Variants in ACSS3 observed in about 807,000 individuals in gnomAD.
ACSS3 encodes acyl-CoA synthetase short chain family member 3.
A neutral mutation model predicts 84.2 loss-of-function variants in ACSS3; 64 were observed. The observed-to-expected ratio is 0.76, with a 90% confidence interval of 0.62 to 0.94. The LOEUF is 0.94. ACSS3 is among the 40% of genes least tolerant of loss of function. The pLI is 0.00. For missense variants in ACSS3, 815 were observed against 867.6 expected, an observed-to-expected ratio of 0.94 and a Z score of 0.76; for synonymous variants, 317 against 310.1, an observed-to-expected ratio of 1.02 and a Z score of -0.23.
chr12:81,103,880 C>A (rs1460189122), intron 1 of ACSS3, among the ~76,000 whole-genome samples: 1 of 152,052 alleles, frequency 6.6e-6, no homozygotes, highest in East Asian at 1.9e-4. Context: ...CTTTCATGAG[C>A]AAGTTGCTGT....
At chr12:81,131,926 C>G (rs913822962) in intron 2 of ACSS3, among the ~76,000 whole-genome samples, 1 of 152,078 alleles carries the variant, frequency 6.6e-6, no homozygotes, top group African/African-American at 2.4e-5. Flanking sequence ...TGATGGATTA[C>G]GTTTATTGAT....
chr12:81,230,117 G>A (rs751483135), intron 11 of ACSS3, among the ~76,000 whole-genome samples: 12 of 151,814 alleles, frequency 7.9e-5, no homozygotes, highest in Admixed American at 6.6e-4. Context: ...TGAGAACTAC[G>A]AATTTACAAC....
intron 13 of ACSS3, among the ~76,000 whole-genome samples, chr12:81,249,110 T>C (rs147078602): frequency 6.6e-6 from 1 of 152,140 alleles, no homozygotes; most frequent in Non-Finnish European, 1.5e-5. Context: ...TGTTGATTAG[T>C]TTTTGAAAGC....
At chr12:81,209,879 A>T (rs1015940456) in intron 9 of ACSS3, among the ~76,000 whole-genome samples, 3 of 152,180 alleles carry the variant, frequency 2.0e-5, no homozygotes, top group Admixed American at 6.5e-5. Flanking sequence ...TTGTAAACTC[A>T]TGGCACTGGT....
chr12:81,213,851 C>CTCT, intron 9 of ACSS3, among the ~76,000 whole-genome samples: 1 of 60,810 alleles, frequency 1.6e-5, no homozygotes, highest in African/African-American at 6.3e-5. Context: ...CTCTCCTCTC[C>CTCT]TCTCTTCTCT....
At chr12:81,171,811 G>C (rs773732143) in intron 7 of ACSS3, among the ~76,000 whole-genome samples, 1 of 152,056 alleles carries the variant, frequency 6.6e-6, no homozygotes, top group Non-Finnish European at 1.5e-5. Context: ...GTACATCATA[G>C]AGTATACTTA....
At chr12:81,254,825 G>A in intron 15 of ACSS3, 32 bp from the exon 16 acceptor site, 6 of 1,510,410 alleles carry the variant, frequency 4.0e-6, no homozygotes, top group Non-Finnish European at 5.4e-6. Flanking sequence ...ATTCAAGGAA[G>A]AGTATTCACC....
chr12:81,239,103 CTTT>C (rs2033712448), intron 13 of ACSS3, among the ~76,000 whole-genome samples: 1 of 151,770 alleles, frequency 6.6e-6, no homozygotes, highest in South Asian at 2.1e-4. Flanking sequence ...GAAATATCTT[CTTT>C]GACTCATGTG....
rs183519775 is a variant in ACSS3 at position 81,149,132 on chromosome 12, G to A, written c.922-2712G>A. On this transcript the variant is annotated intron_variant, in intron 5 of 15. Coordinates refer to ENST00000548058, the MANE Select transcript of ACSS3 (RefSeq NM_024560.4). ...AGGTAATAATAAATAATAGAGATTC[G>A]AAAGACTAAAATGAAGAAGGTTTGT... Among the ~76,000 whole-genome samples, 26 of 151,802 alleles carry A rather than the reference G, an allele frequency of 1.7e-4. No homozygotes were observed. The East Asian group carries it at 2.7e-3, about 16-fold the overall frequency.
chr12:81,221,839 C>G (rs2033120528), intron 11 of ACSS3, among the ~76,000 whole-genome samples: 1 of 152,014 alleles, frequency 6.6e-6, no homozygotes, highest in Admixed American at 6.6e-5. Context: ...GAGAGCTTTT[C>G]AAAGCACTTT....
At chr12:81,155,867 G>T (rs1241366798) in intron 7 of ACSS3, among the ~76,000 whole-genome samples, 1 of 152,150 alleles carries the variant, frequency 6.6e-6, no homozygotes, top group Non-Finnish European at 1.5e-5. Context: ...GAAAGTCAGT[G>T]AAGATGTAGA....
At chr12:81,246,572 G>A (rs1291441538) in intron 13 of ACSS3, among the ~76,000 whole-genome samples, 1 of 152,130 alleles carries the variant, frequency 6.6e-6, no homozygotes, top group Admixed American at 6.5e-5. Context: ...AAGTTCTTAT[G>A]TTCTGACTGA....
At chr12:81,240,241 T>G (rs979820956) in intron 13 of ACSS3, among the ~76,000 whole-genome samples, 1 of 152,028 alleles carries the variant, frequency 6.6e-6, no homozygotes, top group Non-Finnish European at 1.5e-5. Context: ...CTGACATACT[T>G]TGATGCCCTA....
intron 10 of ACSS3, among the ~76,000 whole-genome samples, chr12:81,218,923 T>A (rs1214662765): frequency 2.0e-5 from 3 of 151,966 alleles, no homozygotes. Context: ...AATGTAATAT[T>A]AAATAGTATA....
At chr12:81,236,962 A>G (rs2033649014) in intron 13 of ACSS3, among the ~76,000 whole-genome samples, 1 of 151,502 alleles carries the variant, frequency 6.6e-6, no homozygotes, top group Admixed American at 6.6e-5. Context: ...CAGATTCTCC[A>G]TAAATGAAAG....
At chr12:81,238,401 G>A (rs577487054) in intron 13 of ACSS3, among the ~76,000 whole-genome samples, 2 of 151,826 alleles carry the variant, frequency 1.3e-5, no homozygotes, top group East Asian at 3.9e-4. Context: ...TTCTGTCATT[G>A]GAACGACAGA....
At chr12:81,150,513 T>C (rs1236217064) in intron 5 of ACSS3, among the ~76,000 whole-genome samples, 1 of 152,154 alleles carries the variant, frequency 6.6e-6, no homozygotes, top group Non-Finnish European at 1.5e-5. Context: ...CATGGGAAGG[T>C]GCACGTGTAA....
chr12:81,187,639 A>G (rs1593175295), intron 8 of ACSS3, among the ~76,000 whole-genome samples: 2 of 152,050 alleles, frequency 1.3e-5, no homozygotes, highest in Non-Finnish European at 2.9e-5. Context: ...ACAAGTAAAT[A>G]ATATAAACCC....
At chr12:81,150,533 G>T (rs1440262959) in intron 5 of ACSS3, among the ~76,000 whole-genome samples, 1 of 152,154 alleles carries the variant, frequency 6.6e-6, no homozygotes, top group African/African-American at 2.4e-5. Flanking sequence ...AAGCCTACTG[G>T]CAGGGGGCTT....
Sources: gnomAD v4.1 joint callset for allele counts (sites outside exome capture counted in the v4.1 genomes callset) on GRCh38, gnomAD v4.1.1 for gene constraint, MANE v1.5 for transcripts, NCBI Gene and HGNC (gene_info 2026-07-23, HGNC 2026-07-21) for gene names.